The following PPP2R3C variants were observed in gnomAD, a reference collection of about 807,000 sequenced individuals.
PPP2R3C encodes the protein protein phosphatase 2 regulatory subunit B''gamma.
In PPP2R3C, 47 loss-of-function variants were observed where a neutral mutation model predicts 63.7. The observed-to-expected ratio is 0.74, with a 90% CI of 0.58 to 0.94. The LOEUF (loss-of-function observed/expected upper bound fraction) is 0.94. Among genes scored for constraint, PPP2R3C ranks in the 40% least tolerant of loss-of-function variants. The pLI is 0.00. For missense variants in PPP2R3C, 421 were observed against 518.4 expected, an observed-to-expected ratio of 0.81 and a Z score of 1.82; for synonymous variants, 180 against 177.4, an observed-to-expected ratio of 1.01 and a Z score of -0.12.
intron 11 of PPP2R3C, among the ~76,000 whole-genome samples, chr14:35,089,395 C>T (rs549733191): frequency 2.0e-4 from 30 of 152,208 alleles, no homozygotes; most frequent in Admixed American, 1.3e-3. Flanking sequence ...TGAGCGACCA[C>T]GCCTGGCCTA....
rs1448787133 is a variant in PPP2R3C, at chr14:35,111,039, A to G, written c.187-410T>C. Among the ~76,000 whole-genome samples, 8 of 152,076 alleles carry G rather than the reference A, an allele frequency of 5.3e-5. 1 individual carries two copies. Among genetic ancestry groups the G allele is most frequent in the Non-Finnish European group, 1.2e-4 (8 of 68,010 alleles). ...GGATCATGAAGTCAAGAGATCGACCATCCTGGCCAACACTGTGCAACCCCG... is the reference window on the plus strand; with the variant it reads ...GGATCATGAAGTCAAGAGATCGACCGTCCTGGCCAACACTGTGCAACCCCG... On this transcript the variant is annotated intron_variant, in intron 2 of 12. Transcript: ENST00000261475.
At chr14:35,115,527 T>C (rs2046685491) in intron 2 of PPP2R3C, among the ~76,000 whole-genome samples, 1 of 151,626 alleles carries the variant, frequency 6.6e-6, no homozygotes, top group African/African-American at 2.4e-5. Context: ...GACCCTACCA[T>C]GAATAGCTTT....
At chr14:35,096,432 C>T (rs1312700596) in intron 9 of PPP2R3C, 126 bp downstream of exon 9, 6 of 926,018 alleles carry the variant, frequency 6.5e-6, no homozygotes, top group Admixed American at 2.6e-5. Context: ...ATGTAGAATA[C>T]TAAAGCTTAA....
In PPP2R3C at chr14:35,121,989, T is replaced by G. The variant is rs756191114; in HGVS notation, c.-30A>C. On this transcript the variant is annotated 5_prime_UTR_variant, in exon 1 of 13. Coordinates refer to ENST00000261475, the MANE Select transcript of PPP2R3C (RefSeq NM_017917.4). The stretch of plus-strand genomic sequence containing the variant: ...GACTTCCGCGCAGCAGCTTCTGCAT[T>G]TGCTGTTTCCTACCTGCTCCACCCC... 7 of 1,613,978 alleles carry G rather than the reference T, an allele frequency of 4.3e-6. No homozygotes were observed. In the South Asian group the frequency reaches 4.4e-5, roughly 10 times the overall value.
chr14:35,116,380 A>C (rs1373432072), intron 2 of PPP2R3C, among the ~76,000 whole-genome samples: 1 of 151,922 alleles, frequency 6.6e-6, no homozygotes, highest in African/African-American at 2.4e-5. Context: ...GCCTCCTGAG[A>C]AGCTAGGACT....
At chr14:35,121,395 G>A (rs2138740232) in intron 1 of PPP2R3C, among the ~76,000 whole-genome samples, 1 of 152,182 alleles carries the variant, frequency 6.6e-6, no homozygotes, top group East Asian at 1.9e-4. Context: ...AAAAAAAAGT[G>A]AGACAACTCA....
intron 6 of PPP2R3C, among the ~76,000 whole-genome samples, chr14:35,106,914 G>A (rs1427535439): frequency 6.6e-6 from 1 of 151,900 alleles, no homozygotes; most frequent in African/African-American, 2.4e-5. Context: ...TGATCCGCCT[G>A]CCTCATCCTT....
chr14:35,094,481 TAAA>T (rs76520532), intron 10 of PPP2R3C, among the ~76,000 whole-genome samples: 14 of 144,552 alleles, frequency 9.7e-5, no homozygotes, highest in South Asian at 4.3e-4. Flanking sequence ...AGCTTTTTTT[TAAA>T]AAAAAAAAAA....
chr14:35,108,502 G>C lies in PPP2R3C; in HGVS notation c.405-266C>G, dbSNP rs548647353. On this transcript the variant is annotated intron_variant, in intron 4 of 12. Transcript: ENST00000261475. ...GGCACATCATGAGTCAAGAGATCGA[G>C]ACCATTTTGGCCAACATGGTGAAAC... 4.0e-5 allele frequency among the ~76,000 whole-genome samples: 6 copies of C among 151,682 alleles called. No individual in the cohort carries two copies. The East Asian group carries it at 1.2e-3, about 29-fold the overall frequency.
At chr14:35,115,175 T>C (rs902935067) in intron 2 of PPP2R3C, among the ~76,000 whole-genome samples, 41 of 150,952 alleles carry the variant, frequency 2.7e-4, no homozygotes, top group African/African-American at 1.0e-3. Context: ...TTCTTTTTTT[T>C]TTTTTGAGAT....
intron 4 of PPP2R3C, among the ~76,000 whole-genome samples, chr14:35,108,979 G>A (rs1263212661): frequency 1.3e-5 from 2 of 151,556 alleles, no homozygotes; most frequent in African/African-American, 2.4e-5. Context: ...AGATGGGCAC[G>A]TGAGCCACAG....
At chr14:35,119,750 G>C (rs1379696527) in intron 1 of PPP2R3C, among the ~76,000 whole-genome samples, 2 of 150,142 alleles carry the variant, frequency 1.3e-5, no homozygotes, top group Non-Finnish European at 2.9e-5. Flanking sequence ...ATGTAGGAAA[G>C]AAAGGAGGAG....
chr14:35,117,163 C>A (rs1179583677), intron 1 of PPP2R3C: 2 of 455,792 alleles, frequency 4.4e-6, no homozygotes, highest in Non-Finnish European at 8.8e-6. Flanking sequence ...GCCTCATAAT[C>A]ACTGTTTCTC....
chr14:35,097,982 G>A (rs1161611620), intron 7 of PPP2R3C, among the ~76,000 whole-genome samples: 1 of 152,124 alleles, frequency 6.6e-6, no homozygotes, highest in Non-Finnish European at 1.5e-5. Context: ...CACATAAAAT[G>A]TGGACAATAA....
intron 6 of PPP2R3C, chr14:35,099,645 C>A: frequency 3.1e-6 from 1 of 319,582 alleles, no homozygotes; most frequent in Non-Finnish European, 5.5e-6. Flanking sequence ...ATTTCTTCTC[C>A]CCAAAGGTTA....
chr14:35,107,100 A>G (rs1042264624), intron 6 of PPP2R3C, among the ~76,000 whole-genome samples: 3 of 152,130 alleles, frequency 2.0e-5, no homozygotes, highest in Non-Finnish European at 2.9e-5. Flanking sequence ...GTTTCACTGG[A>G]AAGATGATGT....
At chr14:35,107,484 A>T in intron 5 of PPP2R3C, 110 bp from the exon 6 acceptor site, 1 of 828,074 alleles carries the variant, frequency 1.2e-6, no homozygotes, top group Non-Finnish European at 2.0e-6. Flanking sequence ...CTCTAAAAAC[A>T]TTTCTTCTCA....
At chr14:35,110,815 T>TA in intron 2 of PPP2R3C, 186 bp from the exon 3 acceptor site, 1 of 535,066 alleles carries the variant, frequency 1.9e-6, no homozygotes, top group Non-Finnish European at 3.3e-6. Flanking sequence ...AAAGGCTGGA[T>TA]CTCTGCCCTG....
chr14:35,108,237 C>G lies in PPP2R3C; in HGVS notation c.405-1G>C. On this transcript the variant is annotated splice_acceptor_variant, in intron 4 of 12. Coordinates refer to ENST00000261475, the MANE Select transcript of PPP2R3C (RefSeq NM_017917.4). LOFTEE classifies it high-confidence loss of function. Reference sequence around the variant, plus strand: ...AAAGACTTTTGCTGTGAAAAATTGCCTAAGAAAAGAAAATAAAGATTTAAA... The same window carrying G: ...AAAGACTTTTGCTGTGAAAAATTGCGTAAGAAAAGAAAATAAAGATTTAAA... 6.4e-7 allele frequency: 1 copy of G among 1,566,936 alleles called. No individual in the cohort carries two copies. The highest frequency in any genetic ancestry group is 8.6e-7 in the Non-Finnish European group (1 of 1,166,940).
Sources: gnomAD v4.1 joint callset for allele counts (sites outside exome capture counted in the v4.1 genomes callset) on GRCh38, gnomAD v4.1.1 for gene constraint, MANE v1.5 for transcripts, NCBI Gene and HGNC (gene_info 2026-07-23, HGNC 2026-07-21) for gene names.